Variants in SEMA5A observed in about 807,000 individuals in gnomAD.
The protein encoded by SEMA5A is semaphorin-5A.
SEMA5A carries 55 observed loss-of-function variants against 135.5 expected under a neutral mutation model. That is an observed-to-expected ratio of 0.41 (90% CI 0.33 to 0.51). The LOEUF is 0.51. SEMA5A is among the 20% of genes least tolerant of loss of function. SEMA5A has a pLI of 0.37. For missense variants in SEMA5A, 1,290 were observed against 1,419.9 expected (o/e 0.91, Z 1.47); for synonymous variants, 580 against 546.5 (o/e 1.06, Z -0.85).
intron 10 of SEMA5A, among the ~76,000 whole-genome samples, chr5:9,191,261 T>A (rs3797938): frequency 0.3 from 45,161 of 151,790 alleles, 7,913 homozygotes; most frequent in East Asian, 0.56. Context: ...CAAGGGGAAA[T>A]TCAGCCCTGT....
At chr5:9,263,483 A>T (rs1749515528) in intron 5 of SEMA5A, among the ~76,000 whole-genome samples, 1 of 152,122 alleles carries the variant, frequency 6.6e-6, no homozygotes. Flanking sequence ...TCTGAGGTGG[A>T]ACAGTTTCAT....
chr5:9,289,493 G>A (rs942719363), intron 5 of SEMA5A, among the ~76,000 whole-genome samples: 14 of 151,606 alleles, frequency 9.2e-5, no homozygotes, highest in African/African-American at 3.2e-4. Context: ...GTGAAACCCC[G>A]TCTCTACAAA....
chr5:9,076,540 G>A (rs116819164), intron 16 of SEMA5A, among the ~76,000 whole-genome samples: 15 of 152,214 alleles, frequency 9.9e-5, no homozygotes, highest in African/African-American at 3.6e-4. Context: ...GTACTTGGGT[G>A]GTGGACACCC....
intron 5 of SEMA5A, among the ~76,000 whole-genome samples, chr5:9,264,768 T>C (rs1749591514): frequency 6.6e-6 from 1 of 152,156 alleles, no homozygotes; most frequent in Non-Finnish European, 1.5e-5. Flanking sequence ...TATAATTTTA[T>C]GTATCATATT....
intron 5 of SEMA5A, among the ~76,000 whole-genome samples, chr5:9,249,188 G>A (rs1748642640): frequency 6.6e-6 from 1 of 152,196 alleles, no homozygotes; most frequent in Non-Finnish European, 1.5e-5. Flanking sequence ...CACAGGAGAA[G>A]CTCTGAAAAC....
At chr5:9,275,514 C>G (rs1296739567) in intron 5 of SEMA5A, among the ~76,000 whole-genome samples, 1 of 152,128 alleles carries the variant, frequency 6.6e-6, no homozygotes, top group East Asian at 1.9e-4. Flanking sequence ...CCAAAACCTG[C>G]AGAGACACAA....
chr5:9,230,384 C>T (rs367942320), intron 6 of SEMA5A, among the ~76,000 whole-genome samples: 108 of 152,132 alleles, frequency 7.1e-4, no homozygotes, highest in African/African-American at 2.5e-3. Context: ...ACCATGGTAA[C>T]CATGGTGCAG....
At chr5:9,163,340 C>G (rs941488105) in intron 11 of SEMA5A, among the ~76,000 whole-genome samples, 12 of 152,036 alleles carry the variant, frequency 7.9e-5, no homozygotes, top group African/African-American at 2.9e-4. Flanking sequence ...CCCCTTAAAT[C>G]ACTATTTGCT....
intron 2 of SEMA5A, among the ~76,000 whole-genome samples, chr5:9,430,805 C>G (rs1579528558): frequency 6.6e-6 from 1 of 151,326 alleles, no homozygotes; most frequent in Non-Finnish European, 1.5e-5. Context: ...TGGAGGACAA[C>G]AAGTACAGGC....
Position 9,140,567 on chromosome 5 carries a change from T to C in SEMA5A, c.1482-3946A>G, listed in dbSNP as rs533398793. Among the ~76,000 whole-genome samples, 12 of 152,336 alleles carry C rather than the reference T, an allele frequency of 7.9e-5. No homozygotes were observed. In the East Asian group the frequency reaches 2.3e-3, roughly 29 times the overall value. On this transcript the variant is annotated intron_variant, in intron 12 of 22. Transcript: ENST00000382496. Reference sequence around the variant, plus strand: ...TTCTGCTCCCTGCTGTGACTCCACCTGGCTGTGCCAATGAGATCGAATCTG... The same window carrying C: ...TTCTGCTCCCTGCTGTGACTCCACCCGGCTGTGCCAATGAGATCGAATCTG...
At chr5:9,399,702 GA>G (rs1756563704) in intron 2 of SEMA5A, among the ~76,000 whole-genome samples, 1 of 152,260 alleles carries the variant, frequency 6.6e-6, no homozygotes, top group East Asian at 1.9e-4. Context: ...GGTTCCAGCA[GA>G]AGCTGGTGAT....
At chr5:9,396,056 C>T (rs1257646025) in intron 2 of SEMA5A, among the ~76,000 whole-genome samples, 1 of 152,098 alleles carries the variant, frequency 6.6e-6, no homozygotes, top group African/African-American at 2.4e-5. Context: ...GTAACTAATA[C>T]CGTGTATCAC....
At chr5:9,338,745 G>A (rs994756215) in intron 3 of SEMA5A, among the ~76,000 whole-genome samples, 3 of 152,072 alleles carry the variant, frequency 2.0e-5, no homozygotes, top group Admixed American at 6.6e-5. Flanking sequence ...TTGGTTTGAG[G>A]AAAAAGTGTG....
rs78096217 is a variant in SEMA5A, at chr5:9,194,145, C to T, written c.1068+3023G>A. On this transcript the variant is annotated intron_variant, in intron 10 of 22. Coordinates refer to ENST00000382496, the MANE Select transcript of SEMA5A (RefSeq NM_003966.3). ...GGTGATGTTTTATATCAGTGATTGC[C>T]GCGTGTCTTACTGAGGGTCAGGGTC... Among the ~76,000 whole-genome samples the T allele has an allele frequency of 9.4e-4, 143 of 152,208 alleles. 4 individuals are homozygous for T. The East Asian group carries it at 0.027, about 29-fold the overall frequency.
chr5:9,104,392 T>C (rs1739792802), intron 16 of SEMA5A, among the ~76,000 whole-genome samples: 1 of 152,226 alleles, frequency 6.6e-6, no homozygotes, highest in Non-Finnish European at 1.5e-5. Context: ...TGTGTAGTTA[T>C]AACTTAATTT....
At chr5:9,168,711 T>A (rs1743749825) in intron 11 of SEMA5A, among the ~76,000 whole-genome samples, 1 of 152,222 alleles carries the variant, frequency 6.6e-6, no homozygotes, top group Non-Finnish European at 1.5e-5. Flanking sequence ...GATTCTTGCT[T>A]GACAGATGCA....
intron 1 of SEMA5A, among the ~76,000 whole-genome samples, chr5:9,544,540 G>A (rs1356893701): frequency 1.4e-5 from 2 of 144,714 alleles, no homozygotes; most frequent in Non-Finnish European, 3.0e-5. Context: ...TGAAATTATT[G>A]CAAGATCTGC....
chr5:9,154,093 A>ATATATATATATATGTGTGTGTGTGTGTG (rs372321939), intron 12 of SEMA5A, among the ~76,000 whole-genome samples: 1 of 73,526 alleles, frequency 1.4e-5, no homozygotes, highest in Non-Finnish European at 2.4e-5. Flanking sequence ...ATATATATAT[A>ATATATATATATATGTGTGTGTGTGTGTG]TGTGTGTGTG....
At chr5:9,407,494 T>C (rs555569902) in intron 2 of SEMA5A, among the ~76,000 whole-genome samples, 269 of 152,334 alleles carry the variant, frequency 1.8e-3, no homozygotes, top group African/African-American at 6.2e-3. Flanking sequence ...GAAGTGAACA[T>C]TGAAATTTAG....
Sources: gnomAD v4.1 joint callset for allele counts (sites outside exome capture counted in the v4.1 genomes callset) on GRCh38, gnomAD v4.1.1 for gene constraint, MANE v1.5 for transcripts, NCBI Gene and HGNC (gene_info 2026-07-23, HGNC 2026-07-21) for gene names.